Variants in NKAIN3 observed in about 807,000 individuals in gnomAD.
The protein encoded by NKAIN3 is sodium/potassium-transporting ATPase subunit beta-1-interacting protein 3.
Under a neutral mutation model 30.2 loss-of-function variants are expected in NKAIN3, and 25 were observed. That is an observed-to-expected ratio of 0.83 (90% CI 0.60 to 1.16). The LOEUF is 1.16. NKAIN3 is among the 50% of genes most tolerant of loss of function. The probability of loss-of-function intolerance (pLI) is 0.00; values close to 1 mark genes in which losing one functional copy is unlikely to be tolerated. For missense variants in NKAIN3, 225 were observed against 254.1 expected, an observed-to-expected ratio of 0.89 and a Z score of 0.78; for synonymous variants, 91 against 89.6, an observed-to-expected ratio of 1.02 and a Z score of -0.09.
intron 4 of NKAIN3, among the ~76,000 whole-genome samples, chr8:62,904,106 A>G (rs1821699638): frequency 6.6e-6 from 1 of 152,210 alleles, no homozygotes; most frequent in Admixed American, 6.5e-5. Context: ...TTCCCAAATT[A>G]GTAGCCACAT....
chr8:62,788,920 G>T (rs1476454896), intron 4 of NKAIN3, among the ~76,000 whole-genome samples: 3 of 152,154 alleles, frequency 2.0e-5, no homozygotes, highest in Admixed American at 6.5e-5. Context: ...GTACCGTTCT[G>T]TTTTGGTTAC....
chr8:62,387,715 C>T (rs767327195), intron 1 of NKAIN3, among the ~76,000 whole-genome samples: 13 of 152,160 alleles, frequency 8.5e-5, no homozygotes, highest in Non-Finnish European at 1.5e-4. Context: ...TTGAGAAAGT[C>T]ACTTAACCAC....
At chr8:62,863,336 GC>G in intron 4 of NKAIN3, 1 of 1,548,572 alleles carries the variant, frequency 6.5e-7, no homozygotes, top group Admixed American at 1.9e-5. Context: ...CCTGCTTTCT[GC>G]CCCTCAGTGG....
intron 1 of NKAIN3, among the ~76,000 whole-genome samples, chr8:62,420,494 A>T (rs571124286): frequency 6.6e-6 from 1 of 152,318 alleles, no homozygotes; most frequent in East Asian, 1.9e-4. Context: ...TTTTTGGTGA[A>T]AATTTTGTAT....
intron 3 of NKAIN3, among the ~76,000 whole-genome samples, chr8:62,590,281 A>G (rs1220038445): frequency 1.3e-5 from 2 of 151,892 alleles, no homozygotes; most frequent in East Asian, 3.9e-4. Context: ...ATGTTTACTA[A>G]GAAGTAAATG....
intron 3 of NKAIN3, among the ~76,000 whole-genome samples, chr8:62,686,481 A>G (rs1813803824): frequency 6.6e-6 from 1 of 152,206 alleles, no homozygotes; most frequent in African/African-American, 2.4e-5. Flanking sequence ...AGAAAGGGGT[A>G]GAGAGATACT....
At chr8:62,724,409 A>G (rs546075473) in intron 3 of NKAIN3, among the ~76,000 whole-genome samples, 19 of 151,994 alleles carry the variant, frequency 1.3e-4, no homozygotes, top group African/African-American at 4.6e-4. Flanking sequence ...TGTATTAGTT[A>G]CTTTTAAATG....
chr8:62,952,602 T>C lies in NKAIN3; in HGVS notation c.533-1300T>C, dbSNP rs932408685. ...TTCTTACAATGTCTGTGAGTATTTTTATAAATGAATCTTCTACATTTTAGT... is the reference window on the plus strand; with the variant it reads ...TTCTTACAATGTCTGTGAGTATTTTCATAAATGAATCTTCTACATTTTAGT... On this transcript the variant is annotated intron_variant, in intron 5 of 6. Coordinates refer to ENST00000623646, the MANE Select transcript of NKAIN3 (RefSeq NM_001304533.3). Among the ~76,000 whole-genome samples, 94 of 152,332 alleles carry C rather than the reference T, an allele frequency of 6.2e-4. 1 individual carries two copies. The highest frequency in any genetic ancestry group is 3.2e-4 in the Non-Finnish European group (22 of 68,024).
At chr8:62,637,451 C>G (rs1812168337) in intron 3 of NKAIN3, among the ~76,000 whole-genome samples, 1 of 152,160 alleles carries the variant, frequency 6.6e-6, no homozygotes. Context: ...AAATTGGAAG[C>G]TCTTTCAGCC....
intron 3 of NKAIN3, among the ~76,000 whole-genome samples, chr8:62,647,585 A>G (rs1812506432): frequency 6.6e-6 from 1 of 152,186 alleles, no homozygotes; most frequent in African/African-American, 2.4e-5. Context: ...TCCACGGGGA[A>G]ACCTGAAGGA....
chr8:62,864,107 G>A, intron 4 of NKAIN3: 1 of 631,480 alleles, frequency 1.6e-6, no homozygotes, highest in South Asian at 1.9e-5. Context: ...CGGGGCTACA[G>A]GGGCTTCGCG....
chr8:62,572,687 C>G (rs1809982345), intron 1 of NKAIN3, among the ~76,000 whole-genome samples: 1 of 152,068 alleles, frequency 6.6e-6, no homozygotes, highest in African/African-American at 2.4e-5. Context: ...TAGTGGGAGA[C>G]AAGGGAAGAG....
At chr8:62,806,857 C>T (rs1818305571) in intron 4 of NKAIN3, among the ~76,000 whole-genome samples, 1 of 150,850 alleles carries the variant, frequency 6.6e-6, no homozygotes, top group East Asian at 1.9e-4. Flanking sequence ...AAAACAATAT[C>T]ACCAGAGAGA....
At chr8:62,494,156 G>A (rs1807159441) in intron 1 of NKAIN3, among the ~76,000 whole-genome samples, 1 of 152,134 alleles carries the variant, frequency 6.6e-6, no homozygotes, top group Admixed American at 6.6e-5. Flanking sequence ...TGCTTGCTGT[G>A]GGTTTGTCAT....
intron 5 of NKAIN3, among the ~76,000 whole-genome samples, chr8:62,945,314 C>A (rs887167452): frequency 2.0e-5 from 3 of 152,200 alleles, no homozygotes; most frequent in African/African-American, 7.2e-5. Flanking sequence ...GACCTATCAT[C>A]TAAAGTTATT....
chr8:62,714,352 G>A (rs1586119849), intron 3 of NKAIN3, among the ~76,000 whole-genome samples: 1 of 151,644 alleles, frequency 6.6e-6, no homozygotes, highest in African/African-American at 2.4e-5. Context: ...AAAAATACAG[G>A]AGACTGCTTT....
chr8:62,631,007 A>G (rs1330897190), intron 3 of NKAIN3, among the ~76,000 whole-genome samples: 1 of 152,056 alleles, frequency 6.6e-6, no homozygotes, highest in Non-Finnish European at 1.5e-5. Flanking sequence ...TACTGTTTCC[A>G]TTTCCAAGTC....
intron 4 of NKAIN3, among the ~76,000 whole-genome samples, chr8:62,914,868 T>C (rs192413823): frequency 3.6e-4 from 54 of 151,060 alleles, no homozygotes; most frequent in Non-Finnish European, 1.5e-4. Context: ...GCATGTGCCA[T>C]GGTGGCTTGC....
intron 3 of NKAIN3, among the ~76,000 whole-genome samples, chr8:62,729,523 T>A (rs1437150086): frequency 6.6e-6 from 1 of 152,156 alleles, no homozygotes; most frequent in Non-Finnish European, 1.5e-5. Flanking sequence ...TCCTTGGTAT[T>A]AACACTTGTG....
Sources: allele counts gnomAD v4.1 joint callset (sites outside exome capture counted in the v4.1 genomes callset), GRCh38; gene constraint gnomAD v4.1.1; transcripts MANE v1.5; gene names NCBI Gene and HGNC (gene_info 2026-07-23, HGNC 2026-07-21).